Variants in RARS1 observed in about 807,000 individuals in gnomAD.
RARS1 encodes arginine--tRNA ligase, cytoplasmic.
In RARS1, 75 loss-of-function variants were observed where a neutral mutation model predicts 78.7. The observed-to-expected ratio is 0.95, with a 90% CI of 0.79 to 1.15. The LOEUF (loss-of-function observed/expected upper bound fraction) is 1.15. Among genes scored for constraint, RARS1 ranks in the 50% most tolerant of loss-of-function variants. The pLI is 0.00. For missense variants in RARS1, 787 were observed against 787.5 expected (o/e 1.00, Z 0.01); for synonymous variants, 273 against 268.2 (o/e 1.02, Z -0.18).
At chr5:168,495,240 G>A (rs1158433919) in intron 5 of RARS1, 75 bp from the exon 6 acceptor site, 36 of 1,523,240 alleles carry the variant, frequency 2.4e-5, no homozygotes, top group Non-Finnish European at 3.1e-5. Flanking sequence ...AAATGTTTAT[G>A]CTCCTCTTAA....
At chr5:168,503,894 G>C (rs1758379778) in intron 9 of RARS1, among the ~76,000 whole-genome samples, 1 of 151,856 alleles carries the variant, frequency 6.6e-6, no homozygotes, top group Non-Finnish European at 1.5e-5. Context: ...AACATAGCAG[G>C]ACCCTTTCTC....
intron 2 of RARS1, among the ~76,000 whole-genome samples, chr5:168,492,040 T>TTG (rs1255370921): frequency 6.6e-6 from 1 of 151,634 alleles, no homozygotes; most frequent in Non-Finnish European, 1.5e-5. Flanking sequence ...ATTAAGCACT[T>TTG]TGTGTGCATC....
intron 9 of RARS1, among the ~76,000 whole-genome samples, chr5:168,505,514 G>A (rs2152905233): frequency 6.6e-6 from 1 of 152,214 alleles, no homozygotes; most frequent in Non-Finnish European, 1.5e-5. Flanking sequence ...GGAAGGTTAT[G>A]GCTCCAGCTT....
At chr5:168,494,762 G>A (rs1758149294) in intron 5 of RARS1, 112 bp downstream of exon 5, 3 of 775,542 alleles carry the variant, frequency 3.9e-6, no homozygotes, top group Non-Finnish European at 6.3e-6. Context: ...CAGGAGGATT[G>A]CTTGAGCCTA....
At chr5:168,509,630 A>C (rs1223507399) in intron 11 of RARS1, among the ~76,000 whole-genome samples, 9 of 150,292 alleles carry the variant, frequency 6.0e-5, no homozygotes, top group African/African-American at 2.2e-4. Flanking sequence ...GGGCCCTAGC[A>C]TCCTGAGGTT....
intron 12 of RARS1, among the ~76,000 whole-genome samples, chr5:168,514,877 G>T (rs971335992): frequency 4.6e-5 from 7 of 152,134 alleles, no homozygotes; most frequent in South Asian, 4.1e-4. Context: ...TCTGAAGTCT[G>T]CTGGTCAGTT....
At chr5:168,492,524 G>A in intron 2 of RARS1, 135 bp from the exon 3 acceptor site, 1 of 680,282 alleles carries the variant, frequency 1.5e-6, no homozygotes, top group Admixed American at 2.9e-5. Flanking sequence ...CCAGATTGAG[G>A]GCATCACACC....
intron 9 of RARS1, among the ~76,000 whole-genome samples, chr5:168,505,714 G>GAAAA (rs60743864): frequency 3.5e-5 from 4 of 114,226 alleles, no homozygotes; most frequent in Middle Eastern, 4.7e-3. Context: ...TATCAAAAAA[G>GAAAA]AAAAAAAAAA....
rs1325078779 is a variant in RARS1 at position 168,518,075 on chromosome 5, T to C, written c.1873+13T>C. 1.9e-6 allele frequency: 2 copies of C among 1,069,148 alleles called. No homozygotes were observed. Among genetic ancestry groups the C allele is most frequent in the African/African-American group, 1.9e-5 (1 of 53,394 alleles). 66.2% of individuals were successfully genotyped at this position (1,069,148 alleles called of 1,614,324 possible). On this transcript the variant is annotated intron_variant, in intron 14 of 14. Transcript: ENST00000231572. ...GATAGACAGACTGGTGAGTGTCTTT[T>C]TTTTTTTTTTTTTTTTTTTTAGTGA...
intron 14 of RARS1, among the ~76,000 whole-genome samples, chr5:168,518,746 G>GA (rs772175625): frequency 9.9e-5 from 15 of 152,148 alleles, no homozygotes; most frequent in South Asian, 4.1e-4. Context: ...CTTTATTAGG[G>GA]AAAAAAATCA....
chr5:168,488,062 C>A, intron 1 of RARS1: 2 of 232,662 alleles, frequency 8.6e-6, no homozygotes, highest in Non-Finnish European at 1.8e-5. Context: ...TGAGGCATAT[C>A]CCATTATATA....
intron 1 of RARS1, 36 bp downstream of exon 1, chr5:168,486,579 G>A (rs1757968489): frequency 3.9e-6 from 6 of 1,550,444 alleles, no homozygotes; most frequent in Non-Finnish European, 5.2e-6. Context: ...AGGCCTGAAA[G>A]AGATGGAGCA....
intron 2 of RARS1, among the ~76,000 whole-genome samples, chr5:168,489,181 A>G (rs1253149115): frequency 6.6e-6 from 1 of 150,406 alleles, no homozygotes; most frequent in Non-Finnish European, 1.5e-5. Context: ...CACCACATCC[A>G]GCTAATTTTT....
At chr5:168,518,496 A>G (rs950463686) in intron 14 of RARS1, among the ~76,000 whole-genome samples, 9 of 152,192 alleles carry the variant, frequency 5.9e-5, no homozygotes, top group Non-Finnish European at 1.2e-4. Context: ...TTAGGACTCC[A>G]AAGAAAACAA....
intron 12 of RARS1, among the ~76,000 whole-genome samples, chr5:168,514,223 G>A (rs368702772): frequency 4.9e-4 from 75 of 152,146 alleles, no homozygotes; most frequent in Middle Eastern, 3.4e-3. Flanking sequence ...ACCCTTTGGG[G>A]GCTGCCAAAC....
chr5:168,513,571 A>G (rs1758607358), intron 12 of RARS1, among the ~76,000 whole-genome samples: 1 of 152,124 alleles, frequency 6.6e-6, no homozygotes, highest in African/African-American at 2.4e-5. Flanking sequence ...TGCCTGCCTC[A>G]GGCTCTCAAA....
intron 1 of RARS1, chr5:168,488,212 C>T (rs1329369620): frequency 5.2e-6 from 2 of 385,892 alleles, no homozygotes; most frequent in Non-Finnish European, 1.0e-5. Flanking sequence ...ACCGCAACCT[C>T]AGCCTCTGGG....
In RARS1 at chr5:168,510,590, TA is replaced by T; in HGVS notation, c.1360del (p.Thr454HisfsTer17). 2 of 1,607,168 alleles carry T rather than the reference TA, an allele frequency of 1.2e-6. No homozygotes were observed. Among genetic ancestry groups the T allele is most frequent in the Non-Finnish European group, 1.7e-6 (2 of 1,178,410 alleles). On this transcript the variant is annotated frameshift_variant, in exon 12 of 15. Transcript: ENST00000231572. LOFTEE classifies it high-confidence loss of function. ...VVLGEDKKKF[K>X]TRSGETVRLM... is the part of the protein sequence containing the mutation. ...GTTTTACATTTTTTAGGAAAAAGTTTAAAACACGTTCGGGTGAAACAGTGCG... is the reference window on the plus strand; with the variant it reads ...GTTTTACATTTTTTAGGAAAAAGTTTAAACACGTTCGGGTGAAACAGTGCG...
At chr5:168,506,684 AAAG>A (rs1758453761) in intron 10 of RARS1, 35 bp from the exon 11 acceptor site, 6 of 1,442,400 alleles carry the variant, frequency 4.2e-6, no homozygotes, top group Non-Finnish European at 5.7e-6. Flanking sequence ...TTTTTTCTTT[AAAG>A]AAGACTAGCA....
Sources: allele counts gnomAD v4.1 joint callset (sites outside exome capture counted in the v4.1 genomes callset), GRCh38; gene constraint gnomAD v4.1.1; transcripts MANE v1.5; gene names NCBI Gene and HGNC (gene_info 2026-07-23, HGNC 2026-07-21).